The following SLC4A7 variants were observed in gnomAD, a reference collection of about 807,000 sequenced individuals.
SLC4A7 encodes solute carrier family 4 member 7, also known as sodium bicarbonate cotransporter 3.
SLC4A7 carries 51 observed loss-of-function variants against 137.6 expected under a neutral mutation model. That is an observed-to-expected ratio of 0.37 (90% CI 0.30 to 0.47). The LOEUF (loss-of-function observed/expected upper bound fraction) is 0.47. Among genes scored for constraint, SLC4A7 ranks in the 20% least tolerant of loss-of-function variants. The probability of loss-of-function intolerance (pLI) is 1.00; values close to 1 mark genes in which losing one functional copy is unlikely to be tolerated. For synonymous variants in SLC4A7, 542 were observed against 518.6 expected (o/e 1.05, Z -0.61); for missense variants, 1,247 against 1,525.4 (o/e 0.82, Z 3.04).
At chr3:27,392,250 A>C (rs1249924639) in intron 20 of SLC4A7, among the ~76,000 whole-genome samples, 4 of 152,194 alleles carry the variant, frequency 2.6e-5, no homozygotes, top group African/African-American at 9.7e-5. Flanking sequence ...GAATATAGTA[A>C]GTAAAATCCA....
intron 7 of SLC4A7, among the ~76,000 whole-genome samples, chr3:27,425,228 G>A (rs1016808989): frequency 3.9e-5 from 6 of 151,922 alleles, no homozygotes; most frequent in African/African-American, 1.5e-4. Context: ...AAATAAGCCG[G>A]GCGTGATGGC....
At position 27,403,258 on chromosome 3, in the gene SLC4A7, C is replaced by T; in HGVS notation, c.2202G>A (p.Glu734=). ...LVCYITRFTE[E]AFAALICIIF... ...TGATGCAAATAAGGGCTGCAAAAGC[C>T]TCTTCTGTAAATCGAGTAATATAAC... is the stretch of plus-strand genomic sequence containing the variant. Residue 734 remains glutamate, a synonymous_variant, in exon 15 of 26, where the codon GAG becomes GAA. Coordinates refer to ENST00000454389, the MANE Select transcript of SLC4A7 (RefSeq NM_001321103.2). 14 of 1,613,992 alleles carry T rather than the reference C, an allele frequency of 8.7e-6. No individual in the cohort carries two copies. Among genetic ancestry groups the T allele is most frequent in the Non-Finnish European group, 1.1e-5 (13 of 1,179,958 alleles).
chr3:27,399,240 C>CA (rs1199015324), intron 16 of SLC4A7, among the ~76,000 whole-genome samples: 1 of 151,946 alleles, frequency 6.6e-6, no homozygotes, highest in Non-Finnish European at 1.5e-5. Context: ...ACCAGAAAAA[C>CA]AAAAAAACCC....
intron 1 of SLC4A7, among the ~76,000 whole-genome samples, chr3:27,455,570 ATT>A (rs780026916): frequency 1.7e-4 from 21 of 125,302 alleles, no homozygotes; most frequent in Admixed American, 2.6e-4. Flanking sequence ...GCATAACTAA[ATT>A]TTTTTTTTTT....
chr3:27,483,577 C>A (rs373344194), intron 1 of SLC4A7, among the ~76,000 whole-genome samples: 10 of 152,352 alleles, frequency 6.6e-5, no homozygotes, highest in African/African-American at 2.4e-4. Context: ...AAAGATTCAA[C>A]CAGCTCTTCA....
At chr3:27,419,384 C>T (rs1276241134) in intron 10 of SLC4A7, among the ~76,000 whole-genome samples, 4 of 151,758 alleles carry the variant, frequency 2.6e-5, no homozygotes, top group African/African-American at 9.7e-5. Context: ...GCCTTGCCAA[C>T]ATGGTGACAC....
intron 1 of SLC4A7, among the ~76,000 whole-genome samples, chr3:27,453,911 T>C (rs773689626): frequency 1.3e-5 from 2 of 152,230 alleles, no homozygotes; most frequent in Admixed American, 6.5e-5. Context: ...ATGATTGGTG[T>C]TCAATTTAAT....
chr3:27,457,134 G>C (rs2058455824), intron 1 of SLC4A7, among the ~76,000 whole-genome samples: 1 of 151,806 alleles, frequency 6.6e-6, no homozygotes, highest in Non-Finnish European at 1.5e-5. Context: ...TACTGGACTT[G>C]GGATTCTCTA....
intron 18 of SLC4A7, among the ~76,000 whole-genome samples, chr3:27,396,194 T>C (rs2052145327): frequency 6.6e-6 from 1 of 152,326 alleles, no homozygotes; most frequent in Non-Finnish European, 1.5e-5. Context: ...GGTAATTCAA[T>C]CTTTCCACAC....
intron 23 of SLC4A7, among the ~76,000 whole-genome samples, chr3:27,384,519 C>A (rs1270942254): frequency 2.0e-5 from 3 of 152,126 alleles, no homozygotes; most frequent in Non-Finnish European, 4.4e-5. Context: ...ACTTGAAACA[C>A]AAGAATAACC....
chr3:27,404,105 C>T (rs186584790), intron 14 of SLC4A7, among the ~76,000 whole-genome samples: 438 of 152,362 alleles, frequency 2.9e-3, no homozygotes, highest in Non-Finnish European at 5.3e-3. Context: ...GGAGCAGTGG[C>T]TCACGCCTGT....
At chr3:27,411,298 A>G (rs1346475917) in intron 12 of SLC4A7, among the ~76,000 whole-genome samples, 2 of 152,086 alleles carry the variant, frequency 1.3e-5, no homozygotes, top group South Asian at 2.1e-4. Context: ...CTCTGTTCCC[A>G]TAATTCTCTA....
chr3:27,448,724 T>C lies in SLC4A7; in HGVS notation c.216A>G (p.Gly72=), dbSNP rs1175472250. The change falls in exon 3 of 26, where the codon GGA becomes GGG. Residue 72 remains glycine (G), a synonymous_variant. Transcript: ENST00000454389. ...TTCTTCTCCGGTGGTGATGTTTGTG[T>C]CCGCGATGCCTATGACGCCGACGAC... ...KESRRRHRHR[G]HKHHHRRRKD... is the part of the protein sequence containing the mutation. 1 of 1,613,368 alleles carries C rather than the reference T, an allele frequency of 6.2e-7. No individual in the cohort carries two copies. The highest frequency in any genetic ancestry group is 8.5e-7 in the Non-Finnish European group (1 of 1,179,498).
chr3:27,431,564 A>T lies in SLC4A7; in HGVS notation c.884T>A (p.Leu295His), dbSNP rs780397694. ...SPLSLLLGHL[L>H]PSSRAGTPAG... ...AGGGGTTCCAGCTCTTGAAGAAGGA[A>T]GAAGATGACCAAGAAGAAGAGATAA... The change falls in exon 7 of 26, where the codon CTT becomes CAT. Residue 295 changes from leucine (L) to histidine (H), a missense_variant. Leu to His is a moderately conservative substitution (Grantham distance 99, BLOSUM62 -3). Around this residue, in one of 6 missense-constraint regions of SLC4A7, gnomAD observed 223 missense variants for 203.6 expected, o/e 1.10. Coordinates refer to ENST00000454389, the MANE Select transcript of SLC4A7 (RefSeq NM_001321103.2). 2 of 1,614,096 alleles carry T rather than the reference A, an allele frequency of 1.2e-6. No individual in the cohort carries two copies. The highest frequency in any genetic ancestry group is 3.3e-5 in the Admixed American group (2 of 60,016).
At chr3:27,378,229 G>A (rs1375413368) in intron 25 of SLC4A7, among the ~76,000 whole-genome samples, 3 of 152,168 alleles carry the variant, frequency 2.0e-5, no homozygotes, top group Non-Finnish European at 4.4e-5. Flanking sequence ...TAGGAAAAAG[G>A]TTCTAAAAGA....
In SLC4A7 at chr3:27,375,053, C is replaced by G. The variant is rs940069671; in HGVS notation, c.*1711G>C. ...AGCAGCTACATTTCCAACCTCTCAT[C>G]CGAGGCAGAAGTTGAATCCATCATT... is the stretch of plus-strand genomic sequence containing the variant. On this transcript the variant is annotated 3_prime_UTR_variant, in exon 26 of 26. Coordinates refer to ENST00000454389, the MANE Select transcript of SLC4A7 (RefSeq NM_001321103.2). The G allele has an allele frequency of 1.3e-5, 2 of 152,038 alleles. No homozygotes were observed. The highest frequency in any genetic ancestry group is 4.8e-5 in the African/African-American group (2 of 41,424). The allele number at this position is 152,038 out of a possible 1,614,324, so 9.4% of individuals were successfully genotyped here. A position where few individuals can be genotyped will look rare whatever the true frequency, so the allele number is the denominator to read the frequency against.
In SLC4A7 at chr3:27,373,368, C is replaced by T. The variant is rs1351613824; in HGVS notation, c.*3396G>A. 1 of 152,074 alleles carries T rather than the reference C, an allele frequency of 6.6e-6. No homozygotes were observed. Among genetic ancestry groups the T allele is most frequent in the Non-Finnish European group, 1.5e-5 (1 of 67,966 alleles). 9.4% of individuals were successfully genotyped at this position (152,074 alleles called of 1,614,324 possible). A position where few individuals can be genotyped will look rare whatever the true frequency, so the allele number is the denominator to read the frequency against. The stretch of plus-strand genomic sequence containing the variant: ...AACACTATTTTAAACTTTGAATGTC[C>T]TTAAAGTCTTTAAACTTACTTTCTA... On this transcript the variant is annotated 3_prime_UTR_variant, in exon 26 of 26. Coordinates refer to ENST00000454389, the MANE Select transcript of SLC4A7 (RefSeq NM_001321103.2).
rs2049921237 is a variant in SLC4A7, at chr3:27,376,706, T to C, written c.*58A>G. On this transcript the variant is annotated 3_prime_UTR_variant, in exon 26 of 26. Transcript: ENST00000454389. Reference sequence around the variant, plus strand: ...TACAATATTCTTATATATAGTGACATGATACGCACACATTACATATGTATA... The same window carrying C: ...TACAATATTCTTATATATAGTGACACGATACGCACACATTACATATGTATA... 2.0e-6 allele frequency: 2 copies of C among 1,012,000 alleles called. No homozygotes were observed. The highest frequency in any genetic ancestry group is 2.5e-5 in the East Asian group (1 of 40,182). The allele number at this position is 1,012,000 out of a possible 1,614,324, so 62.7% of individuals were successfully genotyped here. A position where few individuals can be genotyped will look rare whatever the true frequency, so the allele number is the denominator to read the frequency against.
At chr3:27,380,164 G>A (rs376637595) in intron 24 of SLC4A7, among the ~76,000 whole-genome samples, 13 of 152,098 alleles carry the variant, frequency 8.5e-5, no homozygotes, top group Non-Finnish European at 7.4e-5. Flanking sequence ...AAAATTAGCC[G>A]GGTACGGTGG....
Sources: allele counts gnomAD v4.1 joint callset (sites outside exome capture counted in the v4.1 genomes callset), GRCh38; gene constraint gnomAD v4.1.1; regional missense constraint gnomAD v4.1.1; transcripts MANE v1.5; gene names NCBI Gene and HGNC (gene_info 2026-07-23, HGNC 2026-07-21).